Variants in ADAM32 observed in about 807,000 individuals in gnomAD.
The protein encoded by ADAM32 is disintegrin and metalloproteinase domain-containing protein 32.
ADAM32 carries 89 observed loss-of-function variants against 114.9 expected under a neutral mutation model. That is an observed-to-expected ratio of 0.77 (90% CI 0.65 to 0.92). The LOEUF (loss-of-function observed/expected upper bound fraction) is 0.92. Ranked by LOEUF, ADAM32 falls within the 40% of genes least tolerant of loss-of-function variation. The pLI, the probability that ADAM32 is intolerant of heterozygous loss-of-function variation, is 0.00. For missense variants in ADAM32, 870 were observed against 932.8 expected, an observed-to-expected ratio of 0.93 and a Z score of 0.88; for synonymous variants, 285 against 307.5, an observed-to-expected ratio of 0.93 and a Z score of 0.77.
intron 11 of ADAM32, among the ~76,000 whole-genome samples, chr8:39,187,518 G>A (rs1269878109): frequency 1.3e-5 from 2 of 152,138 alleles, no homozygotes; most frequent in East Asian, 1.9e-4. Context: ...TGATCCGCCC[G>A]CCTCGGCCTC....
At chr8:39,257,563 G>T (rs1486673024) in intron 19 of ADAM32, among the ~76,000 whole-genome samples, 2 of 150,140 alleles carry the variant, frequency 1.3e-5, no homozygotes, top group Non-Finnish European at 3.0e-5. Flanking sequence ...TCATTGAACT[G>T]CTAGTTGAGA....
At chr8:39,139,729 A>T (rs951607058) in intron 3 of ADAM32, among the ~76,000 whole-genome samples, 1 of 152,148 alleles carries the variant, frequency 6.6e-6, no homozygotes, top group Admixed American at 6.5e-5. Context: ...TTGTAGCTTG[A>T]TGGGGATGGC....
chr8:39,217,349 G>T (rs1808649076), intron 12 of ADAM32, among the ~76,000 whole-genome samples: 1 of 151,854 alleles, frequency 6.6e-6, no homozygotes, highest in Non-Finnish European at 1.5e-5. Context: ...TTTTCTTTGG[G>T]TTAAATCTGC....
At chr8:39,162,151 C>A in intron 7 of ADAM32, among the ~76,000 whole-genome samples, 1 of 101,894 alleles carries the variant, frequency 9.8e-6, no homozygotes, top group Non-Finnish European at 1.9e-5. Context: ...CTAATGCTAT[C>A]CCTCCCCCCT....
At chr8:39,178,368 T>C (rs1016054223) in intron 10 of ADAM32, among the ~76,000 whole-genome samples, 1 of 152,244 alleles carries the variant, frequency 6.6e-6, no homozygotes, top group Non-Finnish European at 1.5e-5. Context: ...CTCCATCAGG[T>C]CAGTTATGAT....
Position 39,246,160 on chromosome 8 carries a change from A to G in ADAM32, c.1896A>G (p.Gly632=). The change falls in exon 17 of 25, where the codon GGA becomes GGG. Residue 632 remains glycine, a synonymous_variant. Transcript: ENST00000379907. ...SAHVCSQQCS[G]HGVCDSRNKC... The stretch of plus-strand genomic sequence containing the variant: ...ATGTTTGTTCACAACAGTGTTCTGG[A>G]CATGGAGTAAGTAACCACATGTTTC... 1 of 1,612,326 alleles carries G rather than the reference A, an allele frequency of 6.2e-7. No homozygotes were observed. Among genetic ancestry groups the G allele is most frequent in the Non-Finnish European group, 8.5e-7 (1 of 1,178,856 alleles).
At chr8:39,223,325 A>T in intron 14 of ADAM32, 87 bp downstream of exon 14, 1 of 875,988 alleles carries the variant, frequency 1.1e-6, no homozygotes, top group Non-Finnish European at 1.6e-6. Context: ...TATATATAAA[A>T]TGTGGAATGT....
At chr8:39,202,052 C>T (rs1807458983) in intron 11 of ADAM32, among the ~76,000 whole-genome samples, 1 of 152,178 alleles carries the variant, frequency 6.6e-6, no homozygotes, top group Admixed American at 6.5e-5. Context: ...AGGATTTTTG[C>T]ATTGATGTTC....
At chr8:39,257,437 T>C in intron 19 of ADAM32, 94 bp downstream of exon 19, 1 of 1,388,116 alleles carries the variant, frequency 7.2e-7, no homozygotes, top group Non-Finnish European at 9.7e-7. Flanking sequence ...ATACTTTACA[T>C]ATCACTGGGA....
chr8:39,247,488 A>T lies in ADAM32; in HGVS notation c.1902+1322A>T, dbSNP rs75462478. Among the ~76,000 whole-genome samples the T allele has an allele frequency of 6.3e-3, 956 of 150,590 alleles. 5 individuals carry two copies. The highest frequency in any genetic ancestry group is 0.021 in the African/African-American group (882 of 41,054). On this transcript the variant is annotated intron_variant, in intron 17 of 24. Coordinates refer to ENST00000379907, the MANE Select transcript of ADAM32 (RefSeq NM_145004.7). ...TATTTCATATACTTATTTTCCATCT[A>T]TTTTTTTTTGGTGAGGGGCCTTTTA...
At chr8:39,188,589 TACATATATTA>T (rs985982452) in intron 11 of ADAM32, among the ~76,000 whole-genome samples, 5 of 152,164 alleles carry the variant, frequency 3.3e-5, no homozygotes, top group Admixed American at 1.3e-4. Flanking sequence ...CCAAGCACTT[TACATATATTA>T]ACTTACTTGA....
chr8:39,197,034 T>C (rs893333216), intron 11 of ADAM32, among the ~76,000 whole-genome samples: 1 of 152,124 alleles, frequency 6.6e-6, no homozygotes, highest in Admixed American at 6.5e-5. Context: ...TATTAGATTG[T>C]TCAGGTTTTC....
chr8:39,162,325 A>G (rs532072758), intron 7 of ADAM32, among the ~76,000 whole-genome samples: 1 of 151,946 alleles, frequency 6.6e-6, no homozygotes, highest in African/African-American at 2.4e-5. Flanking sequence ...TCATGTCCCT[A>G]CAAAGGACAT....
intron 20 of ADAM32, among the ~76,000 whole-genome samples, chr8:39,271,914 A>G (rs184800582): frequency 6.6e-6 from 1 of 152,066 alleles, no homozygotes; most frequent in African/African-American, 2.4e-5. Context: ...GTGTTGGGTC[A>G]TGCCTGTAAT....
chr8:39,133,842 A>G (rs953966905), intron 2 of ADAM32, among the ~76,000 whole-genome samples: 4 of 152,026 alleles, frequency 2.6e-5, no homozygotes, highest in Admixed American at 6.6e-5. Context: ...AGGCTCAAGG[A>G]CTGCGTTTGG....
At position 39,254,461 on chromosome 8, in the gene ADAM32, T is replaced by G. The variant is rs1811513036; in HGVS notation, c.1950T>G (p.Pro650=). The change falls in exon 18 of 25, where the codon CCT becomes CCG. Residue 650 remains proline, a synonymous_variant. Coordinates refer to ENST00000379907, the MANE Select transcript of ADAM32 (RefSeq NM_145004.7). Reference sequence around the variant, plus strand: ...GCCATTGTTCGCCAGGCTATAAGCCTCCAAACTGCCAAATACGTTCCAAAG... The same window carrying G: ...GCCATTGTTCGCCAGGCTATAAGCCGCCAAACTGCCAAATACGTTCCAAAG... The part of the protein sequence containing the change: ...NKCHCSPGYK[P]PNCQIRSKGF... 2 of 1,602,996 alleles carry G rather than the reference T, an allele frequency of 1.2e-6. No individual in the cohort carries two copies. The highest frequency in any genetic ancestry group is 4.5e-5 in the East Asian group (2 of 44,550).
intron 22 of ADAM32, among the ~76,000 whole-genome samples, chr8:39,277,757 CGGCAGGGGCGAACTCTGT>C (rs1813170718): frequency 6.6e-6 from 1 of 152,238 alleles, no homozygotes; most frequent in African/African-American, 2.4e-5. Flanking sequence ...TTTTGGGCGC[CGGCAGGGGCGAACTCTGT>C]GCAGGCCCTG....
rs555450155 is a variant in ADAM32 at position 39,277,580 on chromosome 8, C to T, written c.2279+1714C>T. Among the ~76,000 whole-genome samples, 23 of 152,314 alleles carry T rather than the reference C, an allele frequency of 1.5e-4. No individual in the cohort carries two copies. In the South Asian group the frequency reaches 2.9e-3, roughly 19 times the overall value. The stretch of plus-strand genomic sequence containing the variant: ...CCTCCTGACTCCTCATCGGAGGGAA[C>T]GCGTGGGTGAACGAGGTGGGAGCTG... On this transcript the variant is annotated intron_variant, in intron 22 of 24. Transcript: ENST00000379907.
intron 24 of ADAM32, among the ~76,000 whole-genome samples, chr8:39,284,223 T>G (rs1813633175): frequency 6.6e-6 from 1 of 152,226 alleles, no homozygotes. Flanking sequence ...TAAAGAGTTG[T>G]ACCTACAAGA....
Sources: allele counts gnomAD v4.1 joint callset (sites outside exome capture counted in the v4.1 genomes callset), GRCh38; gene constraint gnomAD v4.1.1; transcripts MANE v1.5; gene names NCBI Gene and HGNC (gene_info 2026-07-23, HGNC 2026-07-21).